Variants in SIRPD observed in about 807,000 individuals in gnomAD.
SIRPD encodes signal-regulatory protein delta.
In SIRPD, 21 loss-of-function variants were observed where a neutral mutation model predicts 18.0. The ratio of observed to expected loss-of-function variants is 1.17; its 90% CI spans 0.83 to 1.68. The LOEUF (loss-of-function observed/expected upper bound fraction) is 1.68. Among genes scored for constraint, SIRPD ranks in the 40% most tolerant of loss-of-function variants. The pLI, the probability that SIRPD is intolerant of heterozygous loss-of-function variation, is 0.00. For missense variants in SIRPD, 295 were observed against 238.4 expected, an observed-to-expected ratio of 1.24 and a Z score of -1.56; for synonymous variants, 106 against 92.9, an observed-to-expected ratio of 1.14 and a Z score of -0.81.
rs1600066040 is a variant in SIRPD, at chr20:1,543,236, A to T, written c.422-5926T>A. ...CAGCTCCTCTTGTACCTCTGGTAGA[A>T]TTCGGCTGTGAATCCATCTGGTCCT... is the stretch of plus-strand genomic sequence containing the variant. On this transcript the variant is annotated intron_variant, in intron 2 of 3. Transcript: ENST00000381623. 2.0e-5 allele frequency among the ~76,000 whole-genome samples: 3 copies of T among 152,312 alleles called. 1 individual carries two copies.
At chr20:1,557,520 G>A in intron 1 of SIRPD, 61 bp downstream of exon 1, 1 of 1,361,230 alleles carries the variant, frequency 7.3e-7, no homozygotes, top group Non-Finnish European at 9.8e-7. Flanking sequence ...AGGTGAGGGA[G>A]AGTTCACTAA....
intron 2 of SIRPD, chr20:1,540,194 G>A: frequency 4.6e-6 from 2 of 431,848 alleles, no homozygotes; most frequent in Non-Finnish European, 9.2e-6. Context: ...ACAGGCCAGG[G>A]ATGCTGGCAG....
At chr20:1,546,090 C>A (rs1026560818) in intron 2 of SIRPD, among the ~76,000 whole-genome samples, 1 of 152,314 alleles carries the variant, frequency 6.6e-6, no homozygotes, top group South Asian at 2.1e-4. Context: ...TCAGGAGGCA[C>A]GGGGGTCAGC....
intron 2 of SIRPD, chr20:1,540,266 T>C (rs1370428533): frequency 2.2e-6 from 1 of 456,020 alleles, no homozygotes; most frequent in Non-Finnish European, 4.4e-6. Flanking sequence ...GAAGGAGCAG[T>C]TCTGCTGATG....
At chr20:1,552,975 A>G (rs938228444) in intron 1 of SIRPD, among the ~76,000 whole-genome samples, 1 of 152,202 alleles carries the variant, frequency 6.6e-6, no homozygotes, top group Non-Finnish European at 1.5e-5. Flanking sequence ...AGGGACACCT[A>G]ATACCACTGT....
intron 3 of SIRPD, among the ~76,000 whole-genome samples, chr20:1,534,884 T>C (rs537641282): frequency 2.0e-5 from 3 of 152,222 alleles, no homozygotes; most frequent in Non-Finnish European, 4.4e-5. Flanking sequence ...AATTTCCCAA[T>C]AAAACTCATA....
chr20:1,557,541 G>A, intron 1 of SIRPD, 40 bp downstream of exon 1: 1 of 1,459,348 alleles, frequency 6.9e-7, no homozygotes. Context: ...ACAGGCAGAG[G>A]GGAGAACCCA....
rs138104676 is a variant in SIRPD at position 1,548,706 on chromosome 20, G to C, written c.421+2985C>G. On this transcript the variant is annotated intron_variant, in intron 2 of 3. Transcript: ENST00000381623. ...GTTTTGGTAATTTTTATGTCTTCTAGGAGTTTGTCTTTTTCATCATATAAA... is the reference window on the plus strand; with the variant it reads ...GTTTTGGTAATTTTTATGTCTTCTACGAGTTTGTCTTTTTCATCATATAAA... Among the ~76,000 whole-genome samples, 446 of 152,066 alleles carry C rather than the reference G, an allele frequency of 2.9e-3. 6 individuals are homozygous for C. The highest frequency in any genetic ancestry group is 0.01 in the African/African-American group (432 of 41,486).
chr20:1,554,722 G>T (rs1836686855), intron 1 of SIRPD, among the ~76,000 whole-genome samples: 1 of 152,104 alleles, frequency 6.6e-6, no homozygotes, highest in Non-Finnish European at 1.5e-5. Context: ...TATGGAGGCA[G>T]CTCCCTCCCA....
intron 1 of SIRPD, among the ~76,000 whole-genome samples, chr20:1,554,507 G>A (rs1254347000): frequency 6.6e-6 from 1 of 152,102 alleles, no homozygotes; most frequent in Non-Finnish European, 1.5e-5. Flanking sequence ...CTTTCCTTCT[G>A]CATCGGGATA....
At chr20:1,556,820 T>A (rs2091043270) in intron 1 of SIRPD, among the ~76,000 whole-genome samples, 1 of 152,226 alleles carries the variant, frequency 6.6e-6, no homozygotes, top group Non-Finnish European at 1.5e-5. Flanking sequence ...CACACTTCGA[T>A]TTTGAATATC....
chr20:1,547,980 A>G, intron 2 of SIRPD, among the ~76,000 whole-genome samples: 1 of 152,126 alleles, frequency 6.6e-6, no homozygotes, highest in East Asian at 1.9e-4. Context: ...ATAGTTTTTT[A>G]GTGGGTTCCT....
At chr20:1,544,815 G>A (rs1306779909) in intron 2 of SIRPD, among the ~76,000 whole-genome samples, 1 of 152,094 alleles carries the variant, frequency 6.6e-6, no homozygotes, top group Admixed American at 6.5e-5. Flanking sequence ...CAGGCCTGGT[G>A]GTGACAAAAT....
Position 1,537,278 on chromosome 20 carries a change from C to G in SIRPD, c.454G>C (p.Ala152Pro). 6.2e-7 allele frequency: 1 copy of G among 1,614,112 alleles called. No individual in the cohort carries two copies. The highest frequency in any genetic ancestry group is 8.5e-7 in the Non-Finnish European group (1 of 1,180,002). Residue 152 changes from alanine to proline, a missense_variant, in exon 3 of 4, where the codon GCA (alanine) becomes CCA (proline). By Grantham distance (27) the Ala-to-Pro change is conservative. Transcript: ENST00000381623. The part of the protein sequence containing the change: ...QNPRPPKNRP[A>P]GRAGSRAHHD... ...TGGGCCCTGGAGCCTGCTCTGCCTG[C>G]AGGTCTGTTCTTGGGAGGTCTTGGA...
At chr20:1,541,479 G>A (rs1270074102) in intron 2 of SIRPD, among the ~76,000 whole-genome samples, 2 of 152,144 alleles carry the variant, frequency 1.3e-5, no homozygotes, top group East Asian at 1.9e-4. Flanking sequence ...ACTTTTTGAT[G>A]GGGTTGCTTG....
intron 2 of SIRPD, among the ~76,000 whole-genome samples, chr20:1,549,956 A>C (rs376652660): frequency 6.6e-6 from 1 of 152,220 alleles, no homozygotes; most frequent in Non-Finnish European, 1.5e-5. Flanking sequence ...TCTGACTCAG[A>C]ACATTTGAAT....
At chr20:1,552,495 T>C (rs17794026) in intron 1 of SIRPD, among the ~76,000 whole-genome samples, 7,416 of 152,228 alleles carry the variant, frequency 0.049, 238 homozygotes, top group Non-Finnish European at 0.074. Flanking sequence ...CAGAAATTCA[T>C]GCTGAGAGAT....
At chr20:1,553,306 C>A (rs946156649) in intron 1 of SIRPD, among the ~76,000 whole-genome samples, 3 of 152,142 alleles carry the variant, frequency 2.0e-5, no homozygotes, top group Admixed American at 2.0e-4. Context: ...ACTGTGGTGA[C>A]CACTCAGGTA....
chr20:1,534,821 C>T (rs1335701377), intron 3 of SIRPD, among the ~76,000 whole-genome samples: 1 of 152,232 alleles, frequency 6.6e-6, no homozygotes, highest in African/African-American at 2.4e-5. Context: ...TATTGAGACA[C>T]TCACGTTTCA....
Sources: gnomAD v4.1 joint callset for allele counts (sites outside exome capture counted in the v4.1 genomes callset) on GRCh38, gnomAD v4.1.1 for gene constraint, MANE v1.5 for transcripts, NCBI Gene and HGNC (gene_info 2026-07-23, HGNC 2026-07-21) for gene names.